ITGA8: variants seen among roughly 807,000 people sequenced by gnomAD.
ITGA8 encodes the protein integrin alpha-8.
In ITGA8, 91 loss-of-function variants were observed where a neutral mutation model predicts 142.3. That is an observed-to-expected ratio of 0.64 (90% CI 0.54 to 0.76). ITGA8 has a LOEUF of 0.76. Ranked by LOEUF, ITGA8 falls within the 30% of genes least tolerant of loss-of-function variation. The pLI, the probability that ITGA8 is intolerant of heterozygous loss-of-function variation, is 0.00. For synonymous variants in ITGA8, 505 were observed against 485.2 expected, an observed-to-expected ratio of 1.04 and a Z score of -0.54; for missense variants, 1,406 against 1,327.7, an observed-to-expected ratio of 1.06 and a Z score of -0.92.
At chr10:15,598,740 C>A (rs1412666124) in intron 20 of ITGA8, among the ~76,000 whole-genome samples, 1 of 152,190 alleles carries the variant, frequency 6.6e-6, no homozygotes, top group African/African-American at 2.4e-5. Context: ...TACACAGACA[C>A]ATGGAAATAT....
chr10:15,619,803 T>G (rs926847642), intron 13 of ITGA8, among the ~76,000 whole-genome samples: 2 of 152,196 alleles, frequency 1.3e-5, no homozygotes, highest in East Asian at 3.9e-4. Flanking sequence ...TTTAGACAAG[T>G]GTAACACAGG....
intron 15 of ITGA8, 28 bp from the exon 16 acceptor site, chr10:15,608,318 T>C (rs751274900): frequency 6.9e-7 from 1 of 1,459,022 alleles, no homozygotes; most frequent in Non-Finnish European, 9.4e-7. Flanking sequence ...AATTTATTGG[T>C]TAATAAAGTT....
Position 15,517,065 on chromosome 10 carries a change from T to TATC in ITGA8, c.*90_*92dup, listed in dbSNP as rs1832975502. On this transcript the variant is annotated 3_prime_UTR_variant, in exon 30 of 30. Coordinates refer to ENST00000378076, the MANE Select transcript of ITGA8 (RefSeq NM_003638.3). ...CTCCATTTCCTGGGTCACTGTCAGG[T>TATC]ATCAGAAAGCTTTGATTTTTAACCC... The TATC allele has an allele frequency of 1.2e-6, 1 of 820,328 alleles. No individual in the cohort carries two copies. The highest frequency in any genetic ancestry group is 1.8e-5 in the African/African-American group (1 of 56,710). 50.8% of individuals were successfully genotyped at this position (820,328 alleles called of 1,614,324 possible).
At chr10:15,634,852 GT>G (rs1255111042) in intron 13 of ITGA8, among the ~76,000 whole-genome samples, 6 of 151,992 alleles carry the variant, frequency 3.9e-5, no homozygotes, top group African/African-American at 7.2e-5. Flanking sequence ...ATTGTACTAT[GT>G]TTACATAAGA....
intron 27 of ITGA8, among the ~76,000 whole-genome samples, chr10:15,542,909 A>C (rs1056175638): frequency 1.3e-5 from 2 of 152,216 alleles, no homozygotes; most frequent in African/African-American, 4.8e-5. Context: ...TTGCAGACAA[A>C]CATCCCTCTT....
At chr10:15,572,021 T>C (rs761009854) in intron 25 of ITGA8, among the ~76,000 whole-genome samples, 190 bp downstream of exon 25, 3 of 152,136 alleles carry the variant, frequency 2.0e-5, no homozygotes, top group Non-Finnish European at 4.4e-5. Flanking sequence ...CAAAAAGAAA[T>C]TTAAATTTGC....
At chr10:15,596,580 T>C (rs1045525051) in intron 21 of ITGA8, 1 of 152,298 alleles carries the variant, frequency 6.6e-6, no homozygotes, top group South Asian at 2.1e-4. Flanking sequence ...TTTCAGCACA[T>C]TTTTGAATAC....
intron 10 of ITGA8, among the ~76,000 whole-genome samples, chr10:15,656,524 C>G (rs891066655): frequency 5.9e-5 from 9 of 151,924 alleles, no homozygotes; most frequent in African/African-American, 2.2e-4. Context: ...CCACCATGCC[C>G]AGCTAATTTT....
intron 10 of ITGA8, among the ~76,000 whole-genome samples, chr10:15,658,320 A>C (rs755421089): frequency 6.6e-6 from 1 of 151,976 alleles, no homozygotes; most frequent in Non-Finnish European, 1.5e-5. Flanking sequence ...TTACATCAAA[A>C]CCTTCAGGCC....
chr10:15,695,415 A>G (rs1394319728), intron 2 of ITGA8, among the ~76,000 whole-genome samples: 1 of 152,202 alleles, frequency 6.6e-6, no homozygotes, highest in Non-Finnish European at 1.5e-5. Context: ...ATTTCAAATA[A>G]GTAAGATATA....
In ITGA8 at chr10:15,661,288, C is replaced by T. The variant is rs550632119; in HGVS notation, c.848-366G>A. ...GTGCACACAGGGGATCTAGGTTGCACGCCTCTTGAGAATCTAACTAATGCC... is the reference window on the plus strand; with the variant it reads ...GTGCACACAGGGGATCTAGGTTGCATGCCTCTTGAGAATCTAACTAATGCC... On this transcript the variant is annotated intron_variant, in intron 8 of 29. Transcript: ENST00000378076. 1.1e-4 allele frequency among the ~76,000 whole-genome samples: 17 copies of T among 152,302 alleles called. No homozygotes were observed. The South Asian group carries it at 1.2e-3, about 11-fold the overall frequency.
At chr10:15,661,445 C>T (rs949368709) in intron 8 of ITGA8, among the ~76,000 whole-genome samples, 2 of 152,134 alleles carry the variant, frequency 1.3e-5, no homozygotes, top group Admixed American at 1.3e-4. Flanking sequence ...CAGGGCTTTG[C>T]GTTTACTGTT....
chr10:15,586,538 C>T (rs1420908285), intron 23 of ITGA8, 46 bp downstream of exon 23: 1 of 1,105,676 alleles, frequency 9.0e-7, no homozygotes, highest in Non-Finnish European at 1.4e-6. Flanking sequence ...TTTATCTTAA[C>T]TCTACATACA....
intron 28 of ITGA8, among the ~76,000 whole-genome samples, chr10:15,524,102 C>A (rs780394206): frequency 2.0e-5 from 3 of 152,222 alleles, no homozygotes; most frequent in Non-Finnish European, 4.4e-5. Context: ...CCCATGCCTG[C>A]TTTCTGCTTT....
At chr10:15,649,717 G>A (rs886957262) in intron 11 of ITGA8, among the ~76,000 whole-genome samples, 5 of 151,806 alleles carry the variant, frequency 3.3e-5, no homozygotes, top group South Asian at 2.1e-4. Flanking sequence ...ATAATATGTC[G>A]TTAGGAATTG....
intron 11 of ITGA8, among the ~76,000 whole-genome samples, chr10:15,653,884 G>A (rs189861955): frequency 6.6e-6 from 1 of 150,738 alleles, no homozygotes; most frequent in Admixed American, 6.6e-5. Flanking sequence ...GCCCAGGCTG[G>A]AGTGCAGTGG....
rs569594360 is a variant in ITGA8, at chr10:15,617,040, T to G, written c.1400-481A>C. ...TGCTCTTTACAAATAGTATGGGTGG[T>G]GAGTATACTTTTGGCAAAGCAATCA... is the stretch of plus-strand genomic sequence containing the variant. On this transcript the variant is annotated intron_variant, in intron 13 of 29. Transcript: ENST00000378076. 4.6e-5 allele frequency among the ~76,000 whole-genome samples: 7 copies of G among 152,346 alleles called. No individual in the cohort carries two copies. In the East Asian group the frequency reaches 1.2e-3, roughly 25 times the overall value.
In ITGA8 at chr10:15,646,961, C is replaced by T. The variant is rs1291486558; in HGVS notation, c.1092G>A (p.Leu364=). 1.9e-6 allele frequency: 3 copies of T among 1,613,932 alleles called. No homozygotes were observed. The highest frequency in any genetic ancestry group is 2.7e-5 in the African/African-American group (2 of 74,874). Residue 364 remains leucine, a synonymous_variant, in exon 12 of 30, where the codon TTG becomes TTA. Coordinates refer to ENST00000378076, the MANE Select transcript of ITGA8 (RefSeq NM_003638.3). The part of the protein sequence containing the change: ...PREVGQIYLY[L]QVSSLLFRDP... ...CTCTGAAGAGGAGAGAGCTCACTTG[C>T]AAATACAGGTAGATTTGCCCTACTT...
intron 2 of ITGA8, among the ~76,000 whole-genome samples, chr10:15,693,495 A>G (rs997307321): frequency 6.6e-6 from 1 of 152,180 alleles, no homozygotes; most frequent in African/African-American, 2.4e-5. Flanking sequence ...ATGTTTCCAG[A>G]TGTTTTTAAA....
Sources: gnomAD v4.1 joint callset for allele counts (sites outside exome capture counted in the v4.1 genomes callset) on GRCh38, gnomAD v4.1.1 for gene constraint, MANE v1.5 for transcripts, NCBI Gene and HGNC (gene_info 2026-07-23, HGNC 2026-07-21) for gene names.